Variants in LHFPL2 observed in about 807,000 individuals in gnomAD.
The protein encoded by LHFPL2 is LHFPL tetraspan subfamily member 2, also known as LHFPL tetraspan subfamily member 2 protein.
In LHFPL2, 7 loss-of-function variants were observed where a neutral mutation model predicts 17.5. The ratio of observed to expected loss-of-function variants is 0.40; its 90% CI spans 0.23 to 0.75. The LOEUF is 0.75. Ranked by LOEUF, LHFPL2 falls within the 30% of genes least tolerant of loss-of-function variation. LHFPL2 has a pLI of 0.37. For synonymous variants in LHFPL2, 134 were observed against 116.2 expected (o/e 1.15, Z -0.99); for missense variants, 241 against 294.8 (o/e 0.82, Z 1.34).
intron 2 of LHFPL2, among the ~76,000 whole-genome samples, chr5:78,577,280 C>T (rs1199365319): frequency 6.6e-6 from 1 of 152,138 alleles, no homozygotes; most frequent in African/African-American, 2.4e-5. Flanking sequence ...GTTTCATAAA[C>T]TTGGAACACT....
In LHFPL2 at chr5:78,509,965, C is replaced by A. The variant is rs1229111230; in HGVS notation, c.249G>T (p.Gly83=). 1.9e-6 allele frequency: 3 copies of A among 1,613,830 alleles called. No homozygotes were observed. The highest frequency in any genetic ancestry group is 2.5e-6 in the Non-Finnish European group (3 of 1,179,988). ...TCTCGCCGAAGCTCTCGGCGTAGGG[C>A]CCGCACAGCGTGTCCCGCTGGAAGT... ...VQHFQRDTLC[G]PYAESFGEIA... is the part of the protein sequence containing the mutation. The change falls in exon 4 of 5, where the codon GGG becomes GGT. Residue 83 remains glycine (G), a synonymous_variant. Coordinates refer to ENST00000380345, the MANE Select transcript of LHFPL2 (RefSeq NM_005779.3).
intron 1 of LHFPL2, among the ~76,000 whole-genome samples, chr5:78,641,679 A>G (rs1203264131): frequency 6.6e-6 from 1 of 152,214 alleles, no homozygotes; most frequent in Non-Finnish European, 1.5e-5. Context: ...AGAAAAATCC[A>G]AATACACTGA....
intron 1 of LHFPL2, among the ~76,000 whole-genome samples, chr5:78,636,463 C>CT (rs1745453374): frequency 6.6e-6 from 1 of 152,144 alleles, no homozygotes; most frequent in African/African-American, 2.4e-5. Context: ...GACTTTGCCC[C>CT]TAAGGTAAGG....
chr5:78,497,891 A>G (rs1435186814), intron 4 of LHFPL2, among the ~76,000 whole-genome samples: 2 of 152,248 alleles, frequency 1.3e-5, no homozygotes, highest in African/African-American at 4.8e-5. Context: ...ACTTTCAGGT[A>G]TCTAGACACC....
At chr5:78,532,074 G>A (rs1351782374) in intron 3 of LHFPL2, among the ~76,000 whole-genome samples, 1 of 152,000 alleles carries the variant, frequency 6.6e-6, no homozygotes, top group Non-Finnish European at 1.5e-5. Context: ...ACAGGCACGT[G>A]CCACCACACC....
chr5:78,641,288 TA>T lies in LHFPL2; in HGVS notation c.-350+7210del, dbSNP rs1745652658. ...CTAGTTTCCATACATCAACCTGGGC[TA>T]CTATCATCCACCTATTACCCTTGTG... On this transcript the variant is annotated intron_variant, in intron 1 of 4. Coordinates refer to ENST00000380345, the MANE Select transcript of LHFPL2 (RefSeq NM_005779.3). Among the ~76,000 whole-genome samples, 3 of 152,370 alleles carry T rather than the reference TA, an allele frequency of 2.0e-5. No individual in the cohort carries two copies. In the South Asian group the frequency reaches 6.2e-4, roughly 32 times the overall value.
intron 2 of LHFPL2, among the ~76,000 whole-genome samples, chr5:78,593,102 A>C (rs1743700433): frequency 6.6e-6 from 1 of 152,086 alleles, no homozygotes; most frequent in Non-Finnish European, 1.5e-5. Flanking sequence ...GTCTGGTTGG[A>C]AGCAGTCACT....
At chr5:78,645,076 G>A (rs1372712114) in intron 1 of LHFPL2, among the ~76,000 whole-genome samples, 1 of 152,112 alleles carries the variant, frequency 6.6e-6, no homozygotes, top group African/African-American at 2.4e-5. Context: ...AAGACCCACA[G>A]GACTAGCCAT....
rs1047741034 is a variant in LHFPL2, at chr5:78,487,753, T to C, written c.*1144A>G. 2.6e-5 allele frequency: 4 copies of C among 152,248 alleles called. No homozygotes were observed. The highest frequency in any genetic ancestry group is 2.1e-4 in the South Asian group (1 of 4,836). 9.4% of individuals were successfully genotyped at this position (152,248 alleles called of 1,614,324 possible). On this transcript the variant is annotated 3_prime_UTR_variant, in exon 5 of 5. Transcript: ENST00000380345. ...CTCTTTTTGAATTAACTTTGTCCTC[T>C]GTGCTTTCCTGGAATTAAGGTCTTG... is the stretch of plus-strand genomic sequence containing the variant.
At chr5:78,579,081 T>G (rs1174528673) in intron 2 of LHFPL2, among the ~76,000 whole-genome samples, 2 of 152,186 alleles carry the variant, frequency 1.3e-5, no homozygotes, top group African/African-American at 4.8e-5. Context: ...GTAGGTTATT[T>G]CCTCCACCTT....
chr5:78,490,879 A>G (rs1754421204), intron 4 of LHFPL2, among the ~76,000 whole-genome samples: 1 of 152,170 alleles, frequency 6.6e-6, no homozygotes, highest in Non-Finnish European at 1.5e-5. Flanking sequence ...ATACTGGGGA[A>G]TATCAATTCT....
chr5:78,571,183 G>A (rs1285664388), intron 2 of LHFPL2, among the ~76,000 whole-genome samples: 1 of 152,060 alleles, frequency 6.6e-6, no homozygotes, highest in Non-Finnish European at 1.5e-5. Flanking sequence ...GGAGTTTGCT[G>A]CACACTGCCC....
At chr5:78,574,048 T>C (rs1367676037) in intron 2 of LHFPL2, among the ~76,000 whole-genome samples, 2 of 152,110 alleles carry the variant, frequency 1.3e-5, no homozygotes, top group East Asian at 3.9e-4. Context: ...CAGAAGAAAA[T>C]TTCTCTTTTA....
intron 3 of LHFPL2, among the ~76,000 whole-genome samples, chr5:78,527,688 A>C (rs1053393289): frequency 6.6e-6 from 1 of 152,224 alleles, no homozygotes; most frequent in African/African-American, 2.4e-5. Context: ...TCACAAAGAA[A>C]AAAAAAAGAT....
intron 2 of LHFPL2, among the ~76,000 whole-genome samples, chr5:78,579,127 T>C (rs563640325): frequency 5.3e-5 from 8 of 152,142 alleles, no homozygotes; most frequent in African/African-American, 1.4e-4. Flanking sequence ...CAGATGAAAA[T>C]TGTCCTTAAG....
At chr5:78,518,374 C>T (rs2003164) in intron 3 of LHFPL2, among the ~76,000 whole-genome samples, 19,161 of 152,262 alleles carry the variant, frequency 0.13, 1,560 homozygotes, top group African/African-American at 0.21. Flanking sequence ...TCAAGGTACG[C>T]AGCGTTTTCC....
Position 78,567,322 on chromosome 5 carries a change from A to G in LHFPL2, c.-244-2451T>C, listed in dbSNP as rs1334717176. 2.0e-5 allele frequency among the ~76,000 whole-genome samples: 3 copies of G among 152,326 alleles called. No homozygotes were observed. In the East Asian group the frequency reaches 5.8e-4, roughly 29 times the overall value. On this transcript the variant is annotated intron_variant, in intron 2 of 4. Transcript: ENST00000380345. ...GTAGTCAGGAAGATAAAAACATGCC[A>G]GTTCTGTTCTGGGTTTGGTTAGTTT...
chr5:78,592,639 C>T (rs150196999), intron 2 of LHFPL2, among the ~76,000 whole-genome samples: 856 of 73,696 alleles, frequency 0.012, 10 homozygotes, highest in African/African-American at 0.033. Flanking sequence ...CACACACACA[C>T]ATTACTCTTC....
At chr5:78,614,860 C>T (rs1298783461) in intron 2 of LHFPL2, among the ~76,000 whole-genome samples, 2 of 152,202 alleles carry the variant, frequency 1.3e-5, no homozygotes, top group Non-Finnish European at 2.9e-5. Context: ...CTCCAATTTA[C>T]AGATGAGGAA....
Sources: allele counts gnomAD v4.1 joint callset (sites outside exome capture counted in the v4.1 genomes callset), GRCh38; gene constraint gnomAD v4.1.1; transcripts MANE v1.5; gene names NCBI Gene and HGNC (gene_info 2026-07-23, HGNC 2026-07-21).